The following USP30 variants were observed in gnomAD, a reference collection of about 807,000 sequenced individuals.
USP30 encodes ubiquitin specific peptidase 30.
USP30 carries 41 observed loss-of-function variants against 68.2 expected under a neutral mutation model. The observed-to-expected ratio is 0.60, with a 90% CI of 0.47 to 0.78. The LOEUF (loss-of-function observed/expected upper bound fraction) is 0.78, where lower values mean the gene tolerates loss of function less well. USP30 is among the 30% of genes least tolerant of loss of function. The pLI, the probability that USP30 is intolerant of heterozygous loss-of-function variation, is 0.00. For missense variants in USP30, 522 were observed against 649.4 expected, an observed-to-expected ratio of 0.80 and a Z score of 2.13; for synonymous variants, 229 against 253.7, an observed-to-expected ratio of 0.90 and a Z score of 0.93.
chr12:109,085,004 G>A lies in USP30; in HGVS notation c.1220G>A (p.Cys407Tyr). 6.2e-7 allele frequency: 1 copy of A among 1,606,272 alleles called. No homozygotes were observed. Among genetic ancestry groups the A allele is most frequent in the Non-Finnish European group, 8.5e-7 (1 of 1,175,470 alleles). ...ACACAGATTTTTATGAATGGCGCCT[G>A]CTCCCCATCTTTATTGCCAACGCTG... ...PKTQIFMNGA[C>Y]SPSLLPTLSA... Residue 407 changes from cysteine to tyrosine, a missense_variant, in exon 12 of 13, where the codon TGC (cysteine) becomes TAC (tyrosine). Coordinates refer to ENST00000257548, the MANE Select transcript of USP30 (RefSeq NM_032663.5).
upstream of USP30, chr12:109,052,387 G>A (rs2040687883): frequency 3.3e-6 from 1 of 305,596 alleles, no homozygotes; most frequent in Non-Finnish European, 6.0e-6. Flanking sequence ...TATGAATGGA[G>A]CCTAAGCAAA....
At chr12:109,071,340 G>A (rs542550543) in intron 4 of USP30, among the ~76,000 whole-genome samples, 2 of 152,366 alleles carry the variant, frequency 1.3e-5, no homozygotes, top group South Asian at 4.1e-4. Flanking sequence ...GGTCAAGGCT[G>A]TCTCAGTGAA....
At chr12:109,072,931 C>T (rs1162774450) in intron 6 of USP30, among the ~76,000 whole-genome samples, 13 of 152,144 alleles carry the variant, frequency 8.5e-5, no homozygotes, top group Admixed American at 8.5e-4. Flanking sequence ...AAGGCATTCC[C>T]AGGTCAGGTA....
chr12:109,064,147 C>T (rs984971986), intron 3 of USP30, among the ~76,000 whole-genome samples: 1 of 152,176 alleles, frequency 6.6e-6, no homozygotes, highest in African/African-American at 2.4e-5. Flanking sequence ...GCTGGGATTA[C>T]AGGCATGAGC....
chr12:109,046,044 C>A (rs2040601507), intron 3 of USP30, among the ~76,000 whole-genome samples: 1 of 148,940 alleles, frequency 6.7e-6, no homozygotes, highest in South Asian at 2.1e-4. Flanking sequence ...AGGCAGTCTG[C>A]AAGCAGAATT....
At chr12:109,044,783 G>A (rs373364978) in intron 3 of USP30, among the ~76,000 whole-genome samples, 95 of 152,108 alleles carry the variant, frequency 6.2e-4, no homozygotes, top group South Asian at 5.4e-3. Flanking sequence ...TTGTCACTGA[G>A]TATGCAGATT....
intron 4 of USP30, among the ~76,000 whole-genome samples, chr12:109,069,290 G>A (rs944203564): frequency 3.9e-5 from 6 of 152,160 alleles, no homozygotes; most frequent in Non-Finnish European, 8.8e-5. Flanking sequence ...TTCAAGCCTG[G>A]GCCCAGATGC....
intron 9 of USP30, 75 bp from the exon 10 acceptor site, chr12:109,082,588 A>T (rs932257110): frequency 7.0e-7 from 1 of 1,437,282 alleles, no homozygotes; most frequent in Non-Finnish European, 9.6e-7. Context: ...CCGCTATAAC[A>T]CCACTGTGGT....
chr12:109,084,842 A>AT, intron 11 of USP30, 111 bp from the exon 12 acceptor site: 5 of 1,249,840 alleles, frequency 4.0e-6, no homozygotes, highest in South Asian at 4.1e-5. Flanking sequence ...AATGAAATAG[A>AT]TTTTTTTCTT....
intron 5 of USP30, 25 bp from the exon 6 acceptor site, chr12:109,072,279 CT>C (rs1422798792): frequency 1.9e-6 from 3 of 1,588,942 alleles, no homozygotes; most frequent in Non-Finnish European, 2.6e-6. Flanking sequence ...GGTTTTCAGT[CT>C]GTTTTTTTTT....
chr12:109,072,139 C>T (rs988676650), intron 5 of USP30, among the ~76,000 whole-genome samples, 166 bp from the exon 6 acceptor site: 3 of 152,120 alleles, frequency 2.0e-5, no homozygotes, highest in South Asian at 2.1e-4. Context: ...TAGTATCCAG[C>T]CAGATAGGCT....
intron 6 of USP30, 105 bp downstream of exon 6, chr12:109,072,455 G>A: frequency 9.3e-7 from 1 of 1,069,850 alleles, no homozygotes; most frequent in Admixed American, 2.1e-5. Context: ...ATACAGGCCA[G>A]CTTGAAGTGT....
intron 1 of USP30, 54 bp from the exon 2 acceptor site, chr12:109,056,628 A>G: frequency 1.5e-6 from 2 of 1,306,638 alleles, no homozygotes; most frequent in South Asian, 2.6e-5. Context: ...ATATCTGTAT[A>G]TTTGCCTTTT....
chr12:109,085,212 CTATT>C (rs897317612), intron 12 of USP30, 139 bp downstream of exon 12: 21 of 1,042,626 alleles, frequency 2.0e-5, no homozygotes, highest in Middle Eastern at 3.0e-4. Context: ...TTACACATTC[CTATT>C]TATTTTTGTC....
Position 109,052,583 on chromosome 12 carries a change from C to A in USP30, c.-96C>A. 7.9e-7 allele frequency: 1 copy of A among 1,272,068 alleles called. No homozygotes were observed. The highest frequency in any genetic ancestry group is 1.0e-6 in the Non-Finnish European group (1 of 974,790). The allele number at this position is 1,272,068 out of a possible 1,614,324, so 78.8% of individuals were successfully genotyped here. Reference sequence around the variant, plus strand: ...CCCCGAGGTGCTGGGACTGCGGCCGCAGGTTCCGCTGTCTCGGGAACCGTC... The same window carrying A: ...CCCCGAGGTGCTGGGACTGCGGCCGAAGGTTCCGCTGTCTCGGGAACCGTC... On this transcript the variant is annotated 5_prime_UTR_variant, in exon 1 of 13. Transcript: ENST00000257548.
Position 109,087,343 on chromosome 12 carries a change from A to AAACAGTGCCTTGGCAGCAGCT in USP30, c.*1413_*1433dup, listed in dbSNP as rs2041970122. 6.6e-6 allele frequency: 1 copy of AAACAGTGCCTTGGCAGCAGCT among 152,236 alleles called. No individual in the cohort carries two copies. The highest frequency in any genetic ancestry group is 1.5e-5 in the Non-Finnish European group (1 of 68,048). 9.4% of individuals were successfully genotyped at this position (152,236 alleles called of 1,614,324 possible). ...CTGGGGGTGAGCTGGCAGACACACCAAACAGTGCCTTGGCAGCAGCTCACA... is the reference window on the plus strand; with the variant it reads ...CTGGGGGTGAGCTGGCAGACACACCAAACAGTGCCTTGGCAGCAGCTAACAGTGCCTTGGCAGCAGCTCACA... On this transcript the variant is annotated 3_prime_UTR_variant, in exon 13 of 13. Transcript: ENST00000257548.
upstream of USP30, among the ~76,000 whole-genome samples, chr12:109,051,749 T>C (rs1186772522): frequency 6.6e-6 from 1 of 151,908 alleles, no homozygotes; most frequent in Non-Finnish European, 1.5e-5. Context: ...TTTGTATTTT[T>C]AGTAGAGATG....
chr12:109,033,681 G>C lies in USP30; in HGVS notation c.-136+6125G>C, dbSNP rs189687778. Among the ~76,000 whole-genome samples the C allele has an allele frequency of 5.2e-4, 79 of 152,290 alleles. 1 individual carries two copies. Among genetic ancestry groups the C allele is most frequent in the African/African-American group, 1.8e-3 (73 of 41,568 alleles). On this transcript the variant is annotated intron_variant, in intron 3 of 15. Coordinates refer to the USP30 transcript ENST00000392784. ...GGAAAGTCCCTAGTCTGCTAGCCAT[G>C]CTGATGGGATGGCACTTCCATCTAG... is the stretch of plus-strand genomic sequence containing the variant.
In USP30 at chr12:109,077,854, C is replaced by T. The variant is rs533030814; in HGVS notation, c.721-3480C>T. Among the ~76,000 whole-genome samples, 5 of 151,750 alleles carry T rather than the reference C, an allele frequency of 3.3e-5. No individual in the cohort carries two copies. The South Asian group carries it at 1.0e-3, about 32-fold the overall frequency. On this transcript the variant is annotated intron_variant, in intron 7 of 12. Coordinates refer to ENST00000257548, the MANE Select transcript of USP30 (RefSeq NM_032663.5). ...GGGGGAGGGTGTGTGTGAGAGATTACGTTATGCAGTTTTACCTTATCACAT... is the reference window on the plus strand; with the variant it reads ...GGGGGAGGGTGTGTGTGAGAGATTATGTTATGCAGTTTTACCTTATCACAT...
Sources: allele counts gnomAD v4.1 joint callset (sites outside exome capture counted in the v4.1 genomes callset), GRCh38; gene constraint gnomAD v4.1.1; transcripts MANE v1.5; gene names NCBI Gene and HGNC (gene_info 2026-07-23, HGNC 2026-07-21).